Variants in FAM163A observed in about 807,000 individuals in gnomAD.
FAM163A encodes the protein protein FAM163A.
Under a neutral mutation model 12.0 loss-of-function variants are expected in FAM163A, and 7 were observed. The observed-to-expected ratio is 0.58, with a 90% CI of 0.33 to 1.10. The LOEUF is 1.10. FAM163A is among the 50% of genes least tolerant of loss of function. The pLI, the probability that FAM163A is intolerant of heterozygous loss-of-function variation, is 0.03. For synonymous variants in FAM163A, 101 were observed against 91.0 expected (o/e 1.11, Z -0.62); for missense variants, 202 against 218.6 (o/e 0.92, Z 0.48).
At chr1:179,730,784 T>C in the FAM163A span, among the ~76,000 whole-genome samples, 1 of 152,200 alleles carries the variant, frequency 6.6e-6, no homozygotes, top group Non-Finnish European at 1.5e-5. Flanking sequence ...AAGGCACTAA[T>C]TTGCATTCAG....
At chr1:179,793,439 G>A (rs778093154) in intron 1 of FAM163A, among the ~76,000 whole-genome samples, 16 of 152,204 alleles carry the variant, frequency 1.1e-4, no homozygotes, top group Non-Finnish European at 2.1e-4. Context: ...ATATGGGCTT[G>A]TCTCATGGGA....
intron 1 of FAM163A, among the ~76,000 whole-genome samples, chr1:179,787,324 A>T (rs918378791): frequency 6.6e-6 from 1 of 152,136 alleles, no homozygotes; most frequent in African/African-American, 2.4e-5. Context: ...ATGCACATCA[A>T]TGATAGCTCA....
intron 1 of FAM163A, among the ~76,000 whole-genome samples, chr1:179,788,807 C>T (rs1571488764): frequency 1.3e-5 from 2 of 152,298 alleles, no homozygotes; most frequent in South Asian, 4.1e-4. Context: ...AAACAAGGCA[C>T]CCTGGCTGTG....
intron 1 of FAM163A, among the ~76,000 whole-genome samples, chr1:179,749,763 G>A (rs1685005979): frequency 6.6e-6 from 1 of 152,180 alleles, no homozygotes; most frequent in South Asian, 2.1e-4. Context: ...GGAGGCTGAG[G>A]CAGGAGAATC....
At chr1:179,770,619 G>C (rs1030736252) in intron 1 of FAM163A, among the ~76,000 whole-genome samples, 2 of 152,204 alleles carry the variant, frequency 1.3e-5, no homozygotes, top group Admixed American at 1.3e-4. Flanking sequence ...AAAGCACCAT[G>C]CTCTTTCTCA....
rs79887144 is a variant in FAM163A at position 179,754,764 on chromosome 1, C to T, written c.-136+11341C>T. 5.3e-5 allele frequency among the ~76,000 whole-genome samples: 8 copies of T among 152,236 alleles called. No individual in the cohort carries two copies. The East Asian group carries it at 1.3e-3, about 26-fold the overall frequency. On this transcript the variant is annotated intron_variant, in intron 1 of 4. Coordinates refer to ENST00000341785, the MANE Select transcript of FAM163A (RefSeq NM_173509.3). ...GGTGTACTGCCTGCTGGGCTAAGGACCCTGACTTGACCTTGTAGATGTGGA... is the reference window on the plus strand; with the variant it reads ...GGTGTACTGCCTGCTGGGCTAAGGATCCTGACTTGACCTTGTAGATGTGGA...
intron 2 of FAM163A, among the ~76,000 whole-genome samples, chr1:179,808,288 G>A (rs1016597193): frequency 6.6e-6 from 1 of 152,222 alleles, no homozygotes; most frequent in East Asian, 1.9e-4. Context: ...GAATGTATTC[G>A]TTATCTTTTG....
At chr1:179,751,300 A>G (rs1198824077) in intron 1 of FAM163A, among the ~76,000 whole-genome samples, 1 of 152,106 alleles carries the variant, frequency 6.6e-6, no homozygotes, top group Admixed American at 6.5e-5. Context: ...GGTCCTGAAA[A>G]GGAGACAGAG....
At chr1:179,732,322 T>C in the FAM163A span, among the ~76,000 whole-genome samples, 5 of 152,238 alleles carry the variant, frequency 3.3e-5, no homozygotes, top group African/African-American at 1.2e-4. Context: ...AAATTGGATG[T>C]GAACTTTGTT....
At position 179,790,535 on chromosome 1, in the gene FAM163A, C is replaced by T. The variant is rs115574165; in HGVS notation, c.-135-17263C>T. Among the ~76,000 whole-genome samples the T allele has an allele frequency of 4.8e-3, 724 of 152,218 alleles. 6 individuals are homozygous for T. Among genetic ancestry groups the T allele is most frequent in the African/African-American group, 0.017 (688 of 41,518 alleles). ...CTGCAGATACAGGCTGGATAAACGACGAGTTGGTTCGGCAAGTGAGGCAGA... is the reference window on the plus strand; with the variant it reads ...CTGCAGATACAGGCTGGATAAACGATGAGTTGGTTCGGCAAGTGAGGCAGA... On this transcript the variant is annotated intron_variant, in intron 1 of 4. Coordinates refer to ENST00000341785, the MANE Select transcript of FAM163A (RefSeq NM_173509.3).
intron 1 of FAM163A, among the ~76,000 whole-genome samples, chr1:179,757,107 G>A (rs1042356449): frequency 1.3e-5 from 2 of 151,982 alleles, no homozygotes; most frequent in Admixed American, 6.6e-5. Context: ...AGCAAGTATA[G>A]ACTTTTATTC....
rs569453703 is a variant in FAM163A at position 179,807,826 on chromosome 1, C to G, written c.-107C>G. On this transcript the variant is annotated 5_prime_UTR_variant, in exon 2 of 5. Coordinates refer to ENST00000341785, the MANE Select transcript of FAM163A (RefSeq NM_173509.3). ...CTGATGCCCTTGGCCAGACGCACCC[C>G]CAACTGCTGTCTGCTCAGGTGTAGC... The G allele has an allele frequency of 6.6e-6, 1 of 152,386 alleles. No individual in the cohort carries two copies. The highest frequency in any genetic ancestry group is 1.5e-5 in the Non-Finnish European group (1 of 68,164). The allele number at this position is 152,386 out of a possible 1,614,324, so 9.4% of individuals were successfully genotyped here.
chr1:179,757,095 A>G lies in FAM163A; in HGVS notation c.-136+13672A>G, dbSNP rs558142950. On this transcript the variant is annotated intron_variant, in intron 1 of 4. Transcript: ENST00000341785. ...GGATAATTGCTGTGAAGGTGTGGACACAGCAAGTATAGACTTTTATTCCTA... is the reference window on the plus strand; with the variant it reads ...GGATAATTGCTGTGAAGGTGTGGACGCAGCAAGTATAGACTTTTATTCCTA... Among the ~76,000 whole-genome samples the G allele has an allele frequency of 2.6e-5, 4 of 152,306 alleles. No homozygotes were observed. In the South Asian group the frequency reaches 8.3e-4, roughly 32 times the overall value.
At chr1:179,728,475 C>G in the FAM163A span, among the ~76,000 whole-genome samples, 1 of 152,104 alleles carries the variant, frequency 6.6e-6, no homozygotes, top group Non-Finnish European at 1.5e-5. Flanking sequence ...TAACATCAGG[C>G]AGTAAGTGAT....
chr1:179,755,133 C>T (rs2487741), intron 1 of FAM163A, among the ~76,000 whole-genome samples: 123,428 of 144,120 alleles, frequency 0.86, 53,331 homozygotes, highest in East Asian at 1. Flanking sequence ...CAAGACTCTG[C>T]CTCAAAAAAA....
chr1:179,814,315 A>C lies in FAM163A; in HGVS notation c.*126A>C. 1 of 1,273,142 alleles carries C rather than the reference A, an allele frequency of 7.9e-7. No homozygotes were observed. Among genetic ancestry groups the C allele is most frequent in the East Asian group, 2.5e-5 (1 of 40,690 alleles). 78.9% of individuals were successfully genotyped at this position (1,273,142 alleles called of 1,614,324 possible). On this transcript the variant is annotated 3_prime_UTR_variant, in exon 5 of 5. Transcript: ENST00000341785. Reference sequence around the variant, plus strand: ...GTTTCTTTGGCTTTTCTCGCTCCGCAGTGGAGGGTTTACTAGGATTTAAGC... The same window carrying C: ...GTTTCTTTGGCTTTTCTCGCTCCGCCGTGGAGGGTTTACTAGGATTTAAGC...
In FAM163A at chr1:179,806,512, G is replaced by T. The variant is rs369468646; in HGVS notation, c.-135-1286G>T. 3.9e-5 allele frequency among the ~76,000 whole-genome samples: 6 copies of T among 152,368 alleles called. No individual in the cohort carries two copies. The South Asian group carries it at 8.3e-4, about 21-fold the overall frequency. The stretch of plus-strand genomic sequence containing the variant: ...CCCCAGGGCTCTGCCCCTGAGAGCT[G>T]CTGGGCTCAGACAGCCCCAGTCCGT... On this transcript the variant is annotated intron_variant, in intron 1 of 4. Transcript: ENST00000341785.
upstream of FAM163A, among the ~76,000 whole-genome samples, chr1:179,740,172 TTTGTTGTTGTTG>T (rs58589037): frequency 1.2e-4 from 18 of 151,042 alleles, no homozygotes; most frequent in African/African-American, 3.9e-4. Context: ...TTATTTGGTT[TTTGTTGTTGTTG>T]TTGTTGTTGT....
At chr1:179,779,554 GTGACAAGA>G (rs889589924) in intron 1 of FAM163A, among the ~76,000 whole-genome samples, 3 of 152,238 alleles carry the variant, frequency 2.0e-5, no homozygotes, top group Non-Finnish European at 2.9e-5. Flanking sequence ...AGCTCAGGCA[GTGACAAGA>G]TGCTGTTTCC....
Sources: allele counts gnomAD v4.1 joint callset (sites outside exome capture counted in the v4.1 genomes callset), GRCh38; gene constraint gnomAD v4.1.1; transcripts MANE v1.5; gene names NCBI Gene and HGNC (gene_info 2026-07-23, HGNC 2026-07-21).